The following PPP1R9A variants were observed in gnomAD, a reference collection of about 807,000 sequenced individuals.
PPP1R9A encodes neurabin-1.
A neutral mutation model predicts 141.9 loss-of-function variants in PPP1R9A; 59 were observed. The observed-to-expected ratio is 0.42, with a 90% confidence interval of 0.34 to 0.52. The LOEUF (loss-of-function observed/expected upper bound fraction) is 0.52, where lower values mean the gene tolerates loss of function less well. Among genes scored for constraint, PPP1R9A ranks in the 20% least tolerant of loss-of-function variants. PPP1R9A has a pLI of 0.10. For synonymous variants in PPP1R9A, 500 were observed against 569.7 expected, an observed-to-expected ratio of 0.88 and a Z score of 1.74; for missense variants, 1,444 against 1,611.9, an observed-to-expected ratio of 0.90 and a Z score of 1.78.
At chr7:95,282,056 CA>C (rs1804338808) in intron 16 of PPP1R9A, among the ~76,000 whole-genome samples, 1 of 148,316 alleles carries the variant, frequency 6.7e-6, no homozygotes, top group Non-Finnish European at 1.5e-5. Flanking sequence ...AGCTAAAAAA[CA>C]AGCCTCAGAA....
At chr7:95,106,948 A>T (rs918050358) in intron 2 of PPP1R9A, among the ~76,000 whole-genome samples, 1 of 151,780 alleles carries the variant, frequency 6.6e-6, no homozygotes, top group Non-Finnish European at 1.5e-5. Context: ...CGCCCAGTTA[A>T]TTGTTGTATT....
intron 7 of PPP1R9A, among the ~76,000 whole-genome samples, chr7:95,210,855 G>C (rs1791957917): frequency 6.6e-6 from 1 of 152,138 alleles, no homozygotes; most frequent in African/African-American, 2.4e-5. Context: ...CAAGGACATG[G>C]TTGAAGCTGG....
At chr7:95,214,361 G>T (rs1376105542) in intron 7 of PPP1R9A, 1 of 152,192 alleles carries the variant, frequency 6.6e-6, no homozygotes, top group Non-Finnish European at 1.5e-5. Flanking sequence ...GCTCCCTCAT[G>T]TGACCTGGCA....
Position 95,047,173 on chromosome 7 carries a change from A to G in PPP1R9A, c.1396-64086A>G, listed in dbSNP as rs527871238. ...GGGCGTTGTGGTGGTTCCAGCCCCA[A>G]GATTAAAGTCAGCATGTCATCTCTT... On this transcript the variant is annotated intron_variant, in intron 2 of 19. Coordinates refer to ENST00000433360, the MANE Select transcript of PPP1R9A (RefSeq NM_001166160.2). 3.1e-4 allele frequency among the ~76,000 whole-genome samples: 47 copies of G among 152,330 alleles called. No homozygotes were observed. The South Asian group carries it at 9.5e-3, about 31-fold the overall frequency.
At position 95,161,970 on chromosome 7, in the gene PPP1R9A, A is replaced by G; in HGVS notation, c.1753A>G (p.Arg585Gly). ...TVLRNTKGNV[R>G]FVIGREKPGQ... is the part of the protein sequence containing the mutation. ...TCTCAGAAACACCAAGGGCAACGTC[A>G]GGTAAATACGTGCCTTCTAATATAC... Residue 585 changes from arginine to glycine, a missense_variant and splice_region_variant, in exon 5 of 20, where the codon AGA (arginine) becomes GGA (glycine). Arg to Gly is a moderately radical substitution (Grantham distance 125). Transcript: ENST00000433360. The G allele has an allele frequency of 1.9e-6, 3 of 1,596,550 alleles. No individual in the cohort carries two copies. The highest frequency in any genetic ancestry group is 2.6e-6 in the Non-Finnish European group (3 of 1,167,092).
chr7:94,927,741 A>G (rs939977054), intron 2 of PPP1R9A, among the ~76,000 whole-genome samples: 1 of 152,198 alleles, frequency 6.6e-6, no homozygotes, highest in Non-Finnish European at 1.5e-5. Context: ...GGATAGTGTG[A>G]TAAGTGCTGT....
intron 2 of PPP1R9A, among the ~76,000 whole-genome samples, chr7:94,999,682 C>G (rs1371223472): frequency 6.6e-6 from 1 of 152,098 alleles, no homozygotes; most frequent in Non-Finnish European, 1.5e-5. Context: ...AAAACATCTC[C>G]TAAGAAATTG....
In PPP1R9A at chr7:95,284,330, T is replaced by C. The variant is rs1291364858; in HGVS notation, c.3609T>C (p.Asn1203=). The change falls in exon 17 of 20, where the codon AAT becomes AAC. Residue 1203 remains asparagine (N), a splice_region_variant and synonymous_variant. Transcript: ENST00000433360. ...LMSVVWIQET[N]NFTFNDDFSP... The stretch of plus-strand genomic sequence containing the variant: ...CTGTAGTCTGGATCCAAGAAACCAA[T>C]GTAATAACACTGCAATAAACAATGC... 6 of 1,466,810 alleles carry C rather than the reference T, an allele frequency of 4.1e-6. No individual in the cohort carries two copies. Among genetic ancestry groups the C allele is most frequent in the Non-Finnish European group, 5.5e-6 (6 of 1,084,652 alleles). The allele number at this position is 1,466,810 out of a possible 1,614,324, so 90.9% of individuals were successfully genotyped here.
intron 5 of PPP1R9A, among the ~76,000 whole-genome samples, chr7:95,197,805 C>T (rs943325051): frequency 1.6e-4 from 24 of 152,154 alleles, no homozygotes; most frequent in African/African-American, 2.6e-4. Context: ...CGCGCCACCA[C>T]GCCCGGCTAA....
intron 7 of PPP1R9A, among the ~76,000 whole-genome samples, chr7:95,218,371 G>T (rs1322500097): frequency 6.6e-6 from 1 of 152,160 alleles, no homozygotes; most frequent in African/African-American, 2.4e-5. Flanking sequence ...ATTTGCTCAG[G>T]AGGGCTTTAC....
chr7:94,933,082 CAT>C (rs1260597270), intron 2 of PPP1R9A, among the ~76,000 whole-genome samples: 1 of 151,576 alleles, frequency 6.6e-6, no homozygotes, highest in Non-Finnish European at 1.5e-5. Flanking sequence ...ATATATATGA[CAT>C]ATATATACAC....
intron 8 of PPP1R9A, among the ~76,000 whole-genome samples, chr7:95,241,479 A>G (rs143261531): frequency 2.0e-3 from 311 of 152,198 alleles, no homozygotes; most frequent in Non-Finnish European, 3.0e-3. Context: ...TTTATATTCT[A>G]TGAACTGTTG....
rs146118416 is a variant in PPP1R9A, at chr7:95,068,195, C to T, written c.1396-43064C>T. On this transcript the variant is annotated intron_variant, in intron 2 of 19. Transcript: ENST00000433360. ...AGACAAGAAGTGACATTCGGCCAGG[C>T]GTGGTGGCTCACGCCTGTAATCCCA... Among the ~76,000 whole-genome samples, 609 of 152,230 alleles carry T rather than the reference C, an allele frequency of 4.0e-3. 23 individuals carry two copies. The highest frequency in any genetic ancestry group is 0.037 in the East Asian group (194 of 5,174).
chr7:95,280,880 A>G (rs1804084595), intron 16 of PPP1R9A, among the ~76,000 whole-genome samples: 1 of 152,154 alleles, frequency 6.6e-6, no homozygotes, highest in Non-Finnish European at 1.5e-5. Context: ...GAAGGATTTT[A>G]TGTTATTCCT....
intron 2 of PPP1R9A, among the ~76,000 whole-genome samples, chr7:95,025,081 T>G (rs1212561128): frequency 6.6e-6 from 1 of 151,970 alleles, no homozygotes; most frequent in African/African-American, 2.4e-5. Context: ...AAATCCTTTT[T>G]TTTTTTGAGA....
intron 7 of PPP1R9A, among the ~76,000 whole-genome samples, chr7:95,224,255 T>C (rs1244060540): frequency 6.6e-6 from 1 of 152,108 alleles, no homozygotes; most frequent in African/African-American, 2.4e-5. Flanking sequence ...TCTTTTCCTT[T>C]CAGTCAAATC....
At chr7:95,275,494 T>G (rs1296426942) in intron 16 of PPP1R9A, among the ~76,000 whole-genome samples, 2 of 152,208 alleles carry the variant, frequency 1.3e-5, no homozygotes, top group African/African-American at 4.8e-5. Context: ...TTAATTGATT[T>G]GCCCAGGGTT....
At chr7:94,974,978 A>G (rs548646436) in intron 2 of PPP1R9A, among the ~76,000 whole-genome samples, 1 of 152,326 alleles carries the variant, frequency 6.6e-6, no homozygotes, top group African/African-American at 2.4e-5. Flanking sequence ...ATAGTATCTG[A>G]TATGTCCCTA....
chr7:95,222,702 A>G (rs1794628382), intron 7 of PPP1R9A, among the ~76,000 whole-genome samples: 1 of 152,046 alleles, frequency 6.6e-6, no homozygotes, highest in African/African-American at 2.4e-5. Context: ...AAATAGAGCT[A>G]GATACCAATG....
Sources: allele counts gnomAD v4.1 joint callset (sites outside exome capture counted in the v4.1 genomes callset), GRCh38; gene constraint gnomAD v4.1.1; transcripts MANE v1.5; gene names NCBI Gene and HGNC (gene_info 2026-07-23, HGNC 2026-07-21).